IMPA1: variants seen among roughly 807,000 people sequenced by gnomAD.
IMPA1 encodes inositol monophosphatase 1.
In IMPA1, 21 loss-of-function variants were observed where a neutral mutation model predicts 34.9. The observed-to-expected ratio is 0.60, with a 90% CI of 0.43 to 0.87. The LOEUF is 0.87. Ranked by LOEUF, IMPA1 falls within the 40% of genes least tolerant of loss-of-function variation. The probability of loss-of-function intolerance (pLI) is 0.00; values close to 1 mark genes in which losing one functional copy is unlikely to be tolerated. For synonymous variants in IMPA1, 95 were observed against 104.4 expected, an observed-to-expected ratio of 0.91 and a Z score of 0.55; for missense variants, 299 against 336.4, an observed-to-expected ratio of 0.89 and a Z score of 0.87.
rs10108330 is a variant in IMPA1, at chr8:81,663,957, T to C, written c.567-3290A>G. 6.3e-3 allele frequency among the ~76,000 whole-genome samples: 965 copies of C among 152,176 alleles called. 13 individuals are homozygous for C. Among genetic ancestry groups the C allele is most frequent in the African/African-American group, 0.022 (914 of 41,526 alleles). ...CAGAGACAAAGGCAGGAGAATCACT[T>C]GAACCCCGGAGGCGGAGGTTGCAGT... is the stretch of plus-strand genomic sequence containing the variant. On this transcript the variant is annotated intron_variant, in intron 7 of 8. Coordinates refer to ENST00000256108, the MANE Select transcript of IMPA1 (RefSeq NM_005536.4).
In IMPA1 at chr8:81,660,534, C is replaced by A; in HGVS notation, c.700G>T (p.Val234Leu). ...ATTTTACCTGTAACATCCATTAGCA[C>A]GCCACCAGCTTCAGTAACAATAATG... is the stretch of plus-strand genomic sequence containing the variant. ...AGIIVTEAGG[V>L]LMDVTGGPFD... The change falls in exon 8 of 9, where the codon GTG becomes TTG. Residue 234 changes from valine to leucine, a missense_variant. Val to Leu is a conservative substitution (Grantham distance 32). Transcript: ENST00000256108. 6.2e-7 allele frequency: 1 copy of A among 1,613,756 alleles called. No homozygotes were observed. The highest frequency in any genetic ancestry group is 1.1e-5 in the South Asian group (1 of 91,050).
At chr8:81,671,158 A>G in intron 6 of IMPA1, 111 bp from the exon 7 acceptor site, 1 of 512,404 alleles carries the variant, frequency 2.0e-6, no homozygotes, top group Non-Finnish European at 3.4e-6. Context: ...GTGTTTCTTT[A>G]TAAGCATTTA....
At chr8:81,680,140 A>C (rs967486780) in intron 3 of IMPA1, among the ~76,000 whole-genome samples, 2 of 152,098 alleles carry the variant, frequency 1.3e-5, no homozygotes, top group African/African-American at 4.8e-5. Flanking sequence ...GTCTAAAAAA[A>C]AAAAAAAAAA....
intron 7 of IMPA1, among the ~76,000 whole-genome samples, chr8:81,665,481 G>C (rs1365328615): frequency 3.9e-5 from 6 of 152,064 alleles, no homozygotes; most frequent in Admixed American, 3.9e-4. Context: ...AAGAGACAGA[G>C]AGAAAATGGC....
intron 1 of IMPA1, among the ~76,000 whole-genome samples, chr8:81,684,156 T>TAC (rs1327047648): frequency 8.0e-6 from 1 of 124,582 alleles, no homozygotes; most frequent in Non-Finnish European, 1.8e-5. Flanking sequence ...CACACACACA[T>TAC]ACACACACAT....
At chr8:81,667,160 AT>A (rs1443357155) in intron 7 of IMPA1, among the ~76,000 whole-genome samples, 1 of 152,150 alleles carries the variant, frequency 6.6e-6, no homozygotes, top group African/African-American at 2.4e-5. Context: ...TCTTTTGGCT[AT>A]ATACTGAATG....
At position 81,667,826 on chromosome 8, in the gene IMPA1, C is replaced by CT. The variant is rs200451839; in HGVS notation, c.566+3112dup. On this transcript the variant is annotated intron_variant, in intron 7 of 8. Coordinates refer to ENST00000256108, the MANE Select transcript of IMPA1 (RefSeq NM_005536.4). Reference sequence around the variant, plus strand: ...GAACTGTGTCTATGACTAAGGGTTTCTTTTTTTTTTTTTTTGAGATGGAGT... The same window carrying CT: ...GAACTGTGTCTATGACTAAGGGTTTCTTTTTTTTTTTTTTTTGAGATGGAGT... 3.9e-3 allele frequency among the ~76,000 whole-genome samples: 549 copies of CT among 139,954 alleles called. 2 individuals carry two copies. Among genetic ancestry groups the CT allele is most frequent in the East Asian group, 0.029 (140 of 4,838 alleles). The allele number at this position is 139,954 out of a possible 152,430, so 91.8% of individuals were successfully genotyped here.
chr8:81,672,871 A>G (rs1449723391), intron 6 of IMPA1, among the ~76,000 whole-genome samples: 1 of 152,172 alleles, frequency 6.6e-6, no homozygotes, highest in African/African-American at 2.4e-5. Flanking sequence ...GCATCAGATC[A>G]GAGGAATTCT....
chr8:81,684,364 T>C (rs1352616920), intron 1 of IMPA1, among the ~76,000 whole-genome samples: 1 of 143,772 alleles, frequency 7.0e-6, no homozygotes, highest in Non-Finnish European at 1.5e-5. Context: ...CATACATAAG[T>C]ATATTTAGAT....
At chr8:81,660,721 A>C in intron 7 of IMPA1, 54 bp from the exon 8 acceptor site, 1 of 1,443,872 alleles carries the variant, frequency 6.9e-7, no homozygotes. Flanking sequence ...TTCAAGTAAG[A>C]TATTCCTCCT....
At chr8:81,676,346 T>C (rs767430524) in intron 4 of IMPA1, 67 bp from the exon 5 acceptor site, 3 of 772,862 alleles carry the variant, frequency 3.9e-6, no homozygotes, top group Non-Finnish European at 6.0e-6. Flanking sequence ...AAAATTAATC[T>C]TTTCATAATA....
At chr8:81,671,991 T>C (rs962774956) in intron 6 of IMPA1, among the ~76,000 whole-genome samples, 2 of 152,188 alleles carry the variant, frequency 1.3e-5, no homozygotes, top group Admixed American at 1.3e-4. Context: ...AAAGCTACCA[T>C]ATTCCTTCGG....
At chr8:81,667,025 C>T (rs1370724532) in intron 7 of IMPA1, among the ~76,000 whole-genome samples, 1 of 151,884 alleles carries the variant, frequency 6.6e-6, no homozygotes, top group Non-Finnish European at 1.5e-5. Context: ...AATAACACAG[C>T]TTCCACCTAC....
chr8:81,683,991 A>G (rs1402822348), intron 1 of IMPA1, among the ~76,000 whole-genome samples: 2 of 151,994 alleles, frequency 1.3e-5, no homozygotes, highest in Non-Finnish European at 2.9e-5. Flanking sequence ...ACAGTCAGAC[A>G]AGGTAGGTCA....
At chr8:81,676,583 T>C (rs777828897) in intron 4 of IMPA1, among the ~76,000 whole-genome samples, 5 of 152,174 alleles carry the variant, frequency 3.3e-5, no homozygotes, top group Non-Finnish European at 7.3e-5. Flanking sequence ...ACAGTGGTCA[T>C]CTCCAGAGAT....
intron 4 of IMPA1, 81 bp downstream of exon 4, chr8:81,679,045 T>C (rs1326067977): frequency 1.2e-6 from 1 of 838,728 alleles, no homozygotes; most frequent in Non-Finnish European, 2.0e-6. Flanking sequence ...TTCTAAAGTG[T>C]ACATGTTCCT....
chr8:81,684,972 A>T (rs911074430), intron 1 of IMPA1, among the ~76,000 whole-genome samples: 5 of 133,914 alleles, frequency 3.7e-5, no homozygotes, highest in African/African-American at 1.1e-4. Context: ...TGTATAGTAT[A>T]TATACTATAC....
chr8:81,672,816 C>T (rs889879607), intron 6 of IMPA1, among the ~76,000 whole-genome samples: 4 of 152,124 alleles, frequency 2.6e-5, no homozygotes, highest in Admixed American at 1.3e-4. Flanking sequence ...CCAGCTTTAA[C>T]GGGCTTTTTT....
At chr8:81,678,218 G>A (rs112981739) in intron 4 of IMPA1, among the ~76,000 whole-genome samples, 1,576 of 147,220 alleles carry the variant, frequency 0.011, 22 homozygotes, top group African/African-American at 0.037. Flanking sequence ...CCCCATCCCC[G>A]TCACCCTAAG....
Sources: allele counts gnomAD v4.1 joint callset (sites outside exome capture counted in the v4.1 genomes callset), GRCh38; gene constraint gnomAD v4.1.1; transcripts MANE v1.5; gene names NCBI Gene and HGNC (gene_info 2026-07-23, HGNC 2026-07-21).